KLC4: variants seen among roughly 807,000 people sequenced by gnomAD.
The protein encoded by KLC4 is kinesin light chain 4.
Under a neutral mutation model 77.2 loss-of-function variants are expected in KLC4, and 49 were observed. That is an observed-to-expected ratio of 0.63 (90% confidence interval 0.50 to 0.80). The LOEUF is 0.80. KLC4 is among the 30% of genes least tolerant of loss of function. The pLI is 0.00. For synonymous variants in KLC4, 274 were observed against 314.5 expected (o/e 0.87, Z 1.36); for missense variants, 669 against 793.5 (o/e 0.84, Z 1.89).
In KLC4 at chr6:43,073,984, A is replaced by G; in HGVS notation, c.1809+19A>G. The G allele has an allele frequency of 6.3e-7, 1 of 1,584,458 alleles. No homozygotes were observed. The highest frequency in any genetic ancestry group is 8.6e-7 in the Non-Finnish European group (1 of 1,165,086). On this transcript the variant is annotated intron_variant, in intron 15 of 15. Transcript: ENST00000347162. The stretch of plus-strand genomic sequence containing the variant: ...CCTCCAGGTGAGAGCAGTGCTTGTG[A>G]GCATATTGGTGGGTGAGGAAAAAAG...
Position 43,059,969 on chromosome 6 carries a change from C to A in KLC4, c.-26+284C>A, listed in dbSNP as rs1450390179. ...CTCAGTCGTCCATCCACACCTCCCCCCTGCCGCCCCCGCCCATCTCACTCT... is the reference window on the plus strand; with the variant it reads ...CTCAGTCGTCCATCCACACCTCCCCACTGCCGCCCCCGCCCATCTCACTCT... On this transcript the variant is annotated intron_variant, in intron 1 of 15. Transcript: ENST00000347162. The A allele has an allele frequency of 4.5e-6, 6 of 1,347,166 alleles. No homozygotes were observed. In the African/African-American group the frequency reaches 7.5e-5, roughly 17 times the overall value. 83.5% of individuals were successfully genotyped at this position (1,347,166 alleles called of 1,614,324 possible).
chr6:43,062,709 T>C, intron 2 of KLC4: 1 of 586,108 alleles, frequency 1.7e-6, no homozygotes, highest in South Asian at 2.0e-5. Flanking sequence ...GGGTAGGAAT[T>C]GATAGTGGCT....
intron 6 of KLC4, among the ~76,000 whole-genome samples, chr6:43,068,346 C>T (rs1202306230): frequency 6.6e-6 from 1 of 150,534 alleles, no homozygotes; most frequent in Non-Finnish European, 1.5e-5. Context: ...GTGGGGGGCA[C>T]TTGTAATCCC....
intron 8 of KLC4, 57 bp from the exon 9 acceptor site, chr6:43,071,218 A>G: frequency 9.5e-7 from 1 of 1,055,570 alleles, no homozygotes; most frequent in East Asian, 2.4e-5. Context: ...AAAAAAAAAA[A>G]AAGACCTTGC....
intron 6 of KLC4, chr6:43,067,321 G>T: frequency 1.2e-6 from 1 of 849,004 alleles, no homozygotes; most frequent in Non-Finnish European, 1.6e-6. Context: ...TAATAGATAA[G>T]TCATAGGTAA....
intron 1 of KLC4, chr6:43,060,247 C>T (rs1472698199): frequency 6.2e-7 from 1 of 1,614,130 alleles, no homozygotes; most frequent in East Asian, 2.2e-5. Flanking sequence ...AGGTGTTCCT[C>T]CCTCCCCTTT....
chr6:43,060,111 G>C, intron 1 of KLC4: 1 of 1,565,600 alleles, frequency 6.4e-7, no homozygotes, highest in Non-Finnish European at 8.7e-7. Context: ...CCGTTCAGCA[G>C]ACCTCCCATT....
intron 3 of KLC4, chr6:43,065,403 G>A (rs1765368392): frequency 2.0e-6 from 1 of 496,130 alleles, no homozygotes; most frequent in Non-Finnish European, 3.6e-6. Context: ...TGAGAAGGAG[G>A]GGAAGTCTTG....
intron 5 of KLC4, 23 bp from the exon 6 acceptor site, chr6:43,066,973 C>T: frequency 6.2e-7 from 1 of 1,604,786 alleles, no homozygotes; most frequent in Non-Finnish European, 8.5e-7. Flanking sequence ...AGGGTAACTC[C>T]TGTCACTTTT....
chr6:43,068,427 G>A (rs921671630), intron 6 of KLC4, among the ~76,000 whole-genome samples: 2 of 151,704 alleles, frequency 1.3e-5, no homozygotes, highest in Admixed American at 6.6e-5. Flanking sequence ...AGGTGAGATC[G>A]CGCCTCTACA....
At chr6:43,071,225 T>A in intron 8 of KLC4, 50 bp from the exon 9 acceptor site, 1 of 1,058,372 alleles carries the variant, frequency 9.4e-7, no homozygotes, top group Non-Finnish European at 1.4e-6. Context: ...AAAAAAGACC[T>A]TGCCTCCCTC....
intron 3 of KLC4, among the ~76,000 whole-genome samples, chr6:43,064,504 G>T (rs1332289135): frequency 1.3e-5 from 2 of 152,190 alleles, no homozygotes; most frequent in African/African-American, 4.8e-5. Flanking sequence ...AGCCTGGGCT[G>T]TTGCCAGACT....
intron 6 of KLC4, 72 bp from the exon 7 acceptor site, chr6:43,070,281 AG>A (rs1765651734): frequency 2.1e-6 from 2 of 970,760 alleles, no homozygotes; most frequent in Non-Finnish European, 3.3e-6. Flanking sequence ...CCCTGCTGGG[AG>A]GTGGGGAACC....
In KLC4 at chr6:43,073,222, G is replaced by C. The variant is rs1339068741; in HGVS notation, c.1630-1G>C. ...TTTCATTGCTCACTCCTTTCTGCCA[G>C]GATGGCAGTGGGACCCTGCAGAGGA... is the stretch of plus-strand genomic sequence containing the variant. On this transcript the variant is annotated splice_acceptor_variant, in intron 13 of 15. Transcript: ENST00000347162. LOFTEE classifies it high-confidence loss of function. 6 of 1,611,234 alleles carry C rather than the reference G, an allele frequency of 3.7e-6. No individual in the cohort carries two copies. The highest frequency in any genetic ancestry group is 3.3e-5 in the South Asian group (3 of 90,978).
intron 6 of KLC4, among the ~76,000 whole-genome samples, chr6:43,068,556 C>T (rs1023515285): frequency 6.6e-5 from 10 of 151,622 alleles, no homozygotes; most frequent in African/African-American, 2.4e-4. Context: ...GCCTGTAATC[C>T]CACCACTTTG....
intron 2 of KLC4, among the ~76,000 whole-genome samples, chr6:43,062,003 C>T (rs1462246665): frequency 6.6e-6 from 1 of 151,954 alleles, no homozygotes; most frequent in East Asian, 1.9e-4. Context: ...TTGGCAAAGA[C>T]GTGAAGTTGA....
At chr6:43,070,095 C>CAAAAAAAAAAAA (rs1160489881) in intron 6 of KLC4, among the ~76,000 whole-genome samples, 2 of 79,370 alleles carry the variant, frequency 2.5e-5, no homozygotes, top group Non-Finnish European at 5.2e-5. Flanking sequence ...ACAACAACAA[C>CAAAAAAAAAAAA]AAAAAAAAAA....
chr6:43,061,267 C>A, intron 1 of KLC4, 44 bp from the exon 2 acceptor site: 1 of 1,565,412 alleles, frequency 6.4e-7, no homozygotes, highest in Non-Finnish European at 8.7e-7. Context: ...CTCAGCTTCT[C>A]TGTCTCATCT....
intron 3 of KLC4, 45 bp from the exon 4 acceptor site, chr6:43,065,575 A>G: frequency 7.6e-7 from 1 of 1,316,770 alleles, no homozygotes; most frequent in Non-Finnish European, 1.1e-6. Flanking sequence ...GAAGGCTACT[A>G]GGTAGGGATA....
Sources: gnomAD v4.1 joint callset for allele counts (sites outside exome capture counted in the v4.1 genomes callset) on GRCh38, gnomAD v4.1.1 for gene constraint, MANE v1.5 for transcripts, NCBI Gene and HGNC (gene_info 2026-07-23, HGNC 2026-07-21) for gene names.